ZNF385D: variants seen among roughly 807,000 people sequenced by gnomAD.
ZNF385D encodes zinc finger protein 659.
A neutral mutation model predicts 35.8 loss-of-function variants in ZNF385D; 15 were observed. The observed-to-expected ratio is 0.42, with a 90% confidence interval of 0.28 to 0.64. The LOEUF (loss-of-function observed/expected upper bound fraction) is 0.64. Ranked by LOEUF, ZNF385D falls within the 30% of genes least tolerant of loss-of-function variation. The pLI, the probability that ZNF385D is intolerant of heterozygous loss-of-function variation, is 0.23. For missense variants in ZNF385D, 474 were observed against 494.6 expected, an observed-to-expected ratio of 0.96 and a Z score of 0.39; for synonymous variants, 212 against 186.8, an observed-to-expected ratio of 1.13 and a Z score of -1.10.
At chr3:21,550,177 T>C (rs1301054595) in intron 3 of ZNF385D, among the ~76,000 whole-genome samples, 3 of 152,178 alleles carry the variant, frequency 2.0e-5, no homozygotes, top group African/African-American at 7.2e-5. Context: ...AGTAAAAGAA[T>C]AGTTGACCCC....
chr3:22,272,839 G>T (rs894770711), intron 2 of ZNF385D, among the ~76,000 whole-genome samples: 15 of 151,874 alleles, frequency 9.9e-5, no homozygotes, highest in African/African-American at 3.1e-4. Flanking sequence ...TTATAGACAT[G>T]TGCTAAAATG....
At chr3:21,877,966 A>G (rs1451038316) in intron 3 of ZNF385D, 1 of 152,108 alleles carries the variant, frequency 6.6e-6, no homozygotes, top group African/African-American at 2.4e-5. Context: ...AGATTTCATG[A>G]TAAAATGATA....
intron 2 of ZNF385D, among the ~76,000 whole-genome samples, chr3:21,661,321 C>G (rs1051863187): frequency 1.3e-5 from 2 of 152,136 alleles, no homozygotes; most frequent in African/African-American, 4.8e-5. Context: ...TGTATAAACA[C>G]ACTTTATTAA....
At chr3:21,769,888 G>A (rs1044139210) in intron 3 of ZNF385D, among the ~76,000 whole-genome samples, 1 of 151,412 alleles carries the variant, frequency 6.6e-6, no homozygotes, top group Admixed American at 6.6e-5. Flanking sequence ...CCAAAACAGA[G>A]ATATAGACCA....
intron 3 of ZNF385D, among the ~76,000 whole-genome samples, chr3:21,967,017 C>T (rs1012222565): frequency 6.6e-6 from 1 of 152,096 alleles, no homozygotes; most frequent in African/African-American, 2.4e-5. Flanking sequence ...AAAGAACACA[C>T]ATAAATTAAA....
At chr3:21,987,344 G>T (rs1478575995) in intron 3 of ZNF385D, among the ~76,000 whole-genome samples, 2 of 125,590 alleles carry the variant, frequency 1.6e-5, no homozygotes, top group Admixed American at 1.4e-4. Context: ...TCCTTCAGGA[G>T]CTCTTTTAGG....
At chr3:21,722,484 C>G (rs2068583783) in intron 1 of ZNF385D, among the ~76,000 whole-genome samples, 1 of 152,194 alleles carries the variant, frequency 6.6e-6, no homozygotes, top group Non-Finnish European at 1.5e-5. Context: ...CAGGCCCAGG[C>G]CTGCTTCTCA....
intron 3 of ZNF385D, among the ~76,000 whole-genome samples, chr3:21,945,077 A>G (rs1701707980): frequency 6.6e-6 from 1 of 151,950 alleles, no homozygotes; most frequent in African/African-American, 2.4e-5. Context: ...AAATGCGTAT[A>G]TTCACTGACT....
chr3:21,564,469 T>C, intron 3 of ZNF385D, 105 bp downstream of exon 3: 3 of 585,646 alleles, frequency 5.1e-6, no homozygotes, highest in Non-Finnish European at 8.2e-6. Flanking sequence ...AATTTTGACA[T>C]GCTCAGTTAC....
At position 22,220,161 on chromosome 3, in the gene ZNF385D, T is replaced by A. The variant is rs571987016; in HGVS notation, c.107-51126A>T. ...TCACTGTAGCCTCAACCTCCTGGGA[T>A]CAAGCGATCCTCCCACCTCAGCCAC... On this transcript the variant is annotated intron_variant, in intron 2 of 5. Transcript: ENST00000494108. 5.3e-4 allele frequency among the ~76,000 whole-genome samples: 81 copies of A among 151,698 alleles called. 1 individual carries two copies. The highest frequency in any genetic ancestry group is 1.1e-3 in the Non-Finnish European group (72 of 67,934).
At chr3:22,163,620 T>C (rs1706115042) in intron 3 of ZNF385D, among the ~76,000 whole-genome samples, 1 of 152,224 alleles carries the variant, frequency 6.6e-6, no homozygotes, top group Admixed American at 6.5e-5. Flanking sequence ...ATATTTTACC[T>C]GTTAGGCAAT....
chr3:21,999,210 A>G (rs565011870), intron 3 of ZNF385D, among the ~76,000 whole-genome samples: 1 of 152,202 alleles, frequency 6.6e-6, no homozygotes, highest in Non-Finnish European at 1.5e-5. Flanking sequence ...CACTGCATTA[A>G]AATGTCAAAT....
chr3:22,332,595 A>G (rs1022194695), intron 2 of ZNF385D, among the ~76,000 whole-genome samples: 2 of 152,146 alleles, frequency 1.3e-5, no homozygotes, highest in Admixed American at 6.6e-5. Context: ...GAAACAAAAA[A>G]TTCAGTAAGA....
chr3:21,969,109 C>G (rs1703085262), intron 3 of ZNF385D, among the ~76,000 whole-genome samples: 1 of 151,994 alleles, frequency 6.6e-6, no homozygotes, highest in South Asian at 2.1e-4. Flanking sequence ...TAGTGGTGGT[C>G]ATAGGGAGAG....
chr3:22,102,300 A>G (rs1291768476), intron 3 of ZNF385D, among the ~76,000 whole-genome samples: 1 of 152,002 alleles, frequency 6.6e-6, no homozygotes, highest in Non-Finnish European at 1.5e-5. Flanking sequence ...TCCTCTAGTT[A>G]TCATATCTAC....
chr3:22,165,202 A>C (rs569997499), intron 3 of ZNF385D, among the ~76,000 whole-genome samples: 15 of 152,354 alleles, frequency 9.8e-5, no homozygotes, highest in African/African-American at 3.6e-4. Flanking sequence ...GTTGTAACAA[A>C]TGTAGCACTG....
At chr3:21,725,285 G>A (rs550001968) in intron 1 of ZNF385D, among the ~76,000 whole-genome samples, 1 of 152,048 alleles carries the variant, frequency 6.6e-6, no homozygotes, top group African/African-American at 2.4e-5. Context: ...AGAGAAACAA[G>A]AACAAATAAA....
At chr3:22,141,693 T>C (rs889871532) in intron 3 of ZNF385D, among the ~76,000 whole-genome samples, 2 of 152,066 alleles carry the variant, frequency 1.3e-5, no homozygotes, top group Non-Finnish European at 2.9e-5. Flanking sequence ...GGGTAGCACA[T>C]CAAGAATCAG....
At chr3:21,510,792 G>T in intron 4 of ZNF385D, 69 bp downstream of exon 4, 1 of 1,589,690 alleles carries the variant, frequency 6.3e-7, no homozygotes, top group Admixed American at 1.7e-5. Context: ...AACAGACATG[G>T]GGCTAGACAA....
Sources: allele counts gnomAD v4.1 joint callset (sites outside exome capture counted in the v4.1 genomes callset), GRCh38; gene constraint gnomAD v4.1.1; transcripts MANE v1.5; gene names NCBI Gene and HGNC (gene_info 2026-07-23, HGNC 2026-07-21).